Variants in PCDHGA1 observed in about 807,000 individuals in gnomAD.
PCDHGA1 encodes protocadherin gamma-A1.
Under a neutral mutation model 58.0 loss-of-function variants are expected in PCDHGA1, and 32 were observed. The observed-to-expected ratio is 0.55, with a 90% confidence interval of 0.42 to 0.74. The LOEUF is 0.74. Among genes scored for constraint, PCDHGA1 ranks in the 30% least tolerant of loss-of-function variants. PCDHGA1 has a pLI of 0.00. For synonymous variants in PCDHGA1, 498 were observed against 501.1 expected, an observed-to-expected ratio of 0.99 and a Z score of 0.08; for missense variants, 1,205 against 1,182.3, an observed-to-expected ratio of 1.02 and a Z score of -0.28.
intron 1 of PCDHGA1, chr5:141,372,083 G>T (rs1381793721): frequency 6.2e-7 from 1 of 1,613,756 alleles, no homozygotes. Context: ...CGCTGGTGCT[G>T]TACCCAGCTC....
intron 1 of PCDHGA1, chr5:141,370,818 ATCAGCGAACTGGCTC>A (rs758994219): frequency 6.2e-7 from 1 of 1,614,074 alleles, no homozygotes; most frequent in South Asian, 1.1e-5. Flanking sequence ...TGAGCTGGAA[ATCAGCGAACTGGCTC>A]TCACTGGAGC....
At chr5:141,409,021 C>T in intron 1 of PCDHGA1, 4 of 1,613,972 alleles carry the variant, frequency 2.5e-6, no homozygotes, top group Non-Finnish European at 3.4e-6. Context: ...ATGAGGGGGT[C>T]AATGCTGAGA....
In PCDHGA1 at chr5:141,430,181, T is replaced by A. The variant is rs561671481; in HGVS notation, c.2422-64626T>A. ...TCTATTTAAAAATATTTTCCCCAAA[T>A]TATAGCTGAATCAGAAAGTTTAAAT... On this transcript the variant is annotated intron_variant, in intron 1 of 3. Transcript: ENST00000517417. 2.0e-5 allele frequency among the ~76,000 whole-genome samples: 3 copies of A among 152,252 alleles called. No homozygotes were observed. The South Asian group carries it at 6.2e-4, about 32-fold the overall frequency.
At chr5:141,428,114 C>CG in intron 1 of PCDHGA1, 2 of 1,607,202 alleles carry the variant, frequency 1.2e-6, no homozygotes, top group Non-Finnish European at 1.7e-6. Flanking sequence ...TGCAGGCCAT[C>CG]GAGCCCGGGC....
chr5:141,399,092 G>C (rs573118488), intron 1 of PCDHGA1: 1 of 1,613,810 alleles, frequency 6.2e-7, no homozygotes, highest in East Asian at 2.2e-5. Context: ...GATGGTGGTG[G>C]ACTGGTTGCA....
At position 141,330,867 on chromosome 5, in the gene PCDHGA1, T is replaced by C. The variant is rs775683327; in HGVS notation, c.183T>C (p.Asp61=). The stretch of plus-strand genomic sequence containing the variant: ...GGCTGCAACCCCAGGAGCTGGCAGA[T>C]GGCGGAGTCCGCATCGTCTCCAGAG... ...DLGLQPQELA[D]GGVRIVSRGR... The change falls in exon 1 of 4, where the codon GAT becomes GAC. Residue 61 remains aspartate, a synonymous_variant. Transcript: ENST00000517417. 6.2e-7 allele frequency: 1 copy of C among 1,614,208 alleles called. No homozygotes were observed. Among genetic ancestry groups the C allele is most frequent in the Non-Finnish European group, 8.5e-7 (1 of 1,180,036 alleles).
At position 141,431,754 on chromosome 5, in the gene PCDHGA1, A is replaced by C; in HGVS notation, c.2422-63053A>C. ...AATGCAGGATATTCTGCGCGAGCCA[A>C]AGTCCTGATCACTGTTCTGGACGTG... On this transcript the variant is annotated intron_variant, in intron 1 of 3. Transcript: ENST00000517417. The surrounding 1 kb of genome is among the most constrained non-coding windows in gnomAD (Gnocchi z 4.8). The C allele has an allele frequency of 6.2e-7, 1 of 1,614,208 alleles. No individual in the cohort carries two copies. Among genetic ancestry groups the C allele is most frequent in the Middle Eastern group, 1.6e-4 (1 of 6,062 alleles).
chr5:141,339,369 T>C lies in PCDHGA1; in HGVS notation c.2421+6264T>C, dbSNP rs144608740. 2.5e-5 allele frequency: 41 copies of C among 1,614,212 alleles called. No individual in the cohort carries two copies. The African/African-American group carries it at 4.5e-4, about 18-fold the overall frequency. On this transcript the variant is annotated intron_variant, in intron 1 of 3. Coordinates refer to ENST00000517417, the MANE Select transcript of PCDHGA1 (RefSeq NM_018912.3). ...GATATTAACGATAATGCCCCTCGCT[T>C]TGGAGTAGAGGAACTGGAGCTAAAA...
At chr5:141,360,102 C>T (rs530757240) in intron 1 of PCDHGA1, 116 of 1,535,872 alleles carry the variant, frequency 7.6e-5, no homozygotes, top group Middle Eastern at 5.3e-4. Context: ...AGGCTTATTC[C>T]TCCTATGGGC....
chr5:141,361,562 C>A (rs1348479180), intron 1 of PCDHGA1: 3 of 1,614,074 alleles, frequency 1.9e-6, no homozygotes, highest in East Asian at 2.2e-5. Flanking sequence ...CAAATCAGTG[C>A]CTCTGACCCT....
In PCDHGA1 at chr5:141,356,681, A is replaced by G. The variant is rs771665475; in HGVS notation, c.2421+23576A>G. The G allele has an allele frequency of 1.2e-6, 2 of 1,613,942 alleles. No homozygotes were observed. The highest frequency in any genetic ancestry group is 1.7e-6 in the Non-Finnish European group (2 of 1,179,864). On this transcript the variant is annotated intron_variant, in intron 1 of 3. Coordinates refer to ENST00000517417, the MANE Select transcript of PCDHGA1 (RefSeq NM_018912.3). Reference sequence around the variant, plus strand: ...CGAATCACTTACTCCCTGGCCGAAGACACCTTCCAGGGTGCACCTCTGTCC... The same window carrying G: ...CGAATCACTTACTCCCTGGCCGAAGGCACCTTCCAGGGTGCACCTCTGTCC...
rs1187072972 is a variant in PCDHGA1 at position 141,487,553 on chromosome 5, C to T, written c.2422-7254C>T. 4 of 1,614,050 alleles carry T rather than the reference C, an allele frequency of 2.5e-6. No individual in the cohort carries two copies. The African/African-American group carries it at 4.0e-5, about 16-fold the overall frequency. On this transcript the variant is annotated intron_variant, in intron 1 of 3. Coordinates refer to ENST00000517417, the MANE Select transcript of PCDHGA1 (RefSeq NM_018912.3). The surrounding 1 kb of genome is among the most constrained non-coding windows in gnomAD (Gnocchi z 5.0). ...CATGATGGTGAAGTCACCCAGTGCA[C>T]CTATGGCAGGGGAGCCTGTTCGCCC...
At chr5:141,467,050 G>T (rs6580189) in intron 1 of PCDHGA1, among the ~76,000 whole-genome samples, 42,616 of 146,752 alleles carry the variant, frequency 0.29, 6,868 homozygotes, top group African/African-American at 0.45. Flanking sequence ...ATGAATCAAT[G>T]TTTTCTTTTT....
At chr5:141,424,120 C>A in intron 1 of PCDHGA1, 2 of 650,838 alleles carry the variant, frequency 3.1e-6, no homozygotes, top group Non-Finnish European at 3.9e-6. Context: ...AAATTTTGAT[C>A]CTGTTGATTT....
chr5:141,403,080 A>G, intron 1 of PCDHGA1: 2 of 1,614,078 alleles, frequency 1.2e-6, no homozygotes, highest in Non-Finnish European at 1.7e-6. Flanking sequence ...GAAAAGGGCT[A>G]TATTGTGGGC....
At chr5:141,371,123 TC>T in intron 1 of PCDHGA1, 1 of 1,613,954 alleles carries the variant, frequency 6.2e-7, no homozygotes, top group Non-Finnish European at 8.5e-7. Flanking sequence ...CAGTATTTAC[TC>T]AGGACATGTA....
chr5:141,390,373 AT>A, intron 1 of PCDHGA1: 1 of 1,481,206 alleles, frequency 6.8e-7, no homozygotes, highest in Non-Finnish European at 9.2e-7. Flanking sequence ...AAAATATATA[AT>A]TTTTAGATGT....
rs752341952 is a variant in PCDHGA1 at position 141,431,380 on chromosome 5, T to C, written c.2422-63427T>C. 10 of 1,613,902 alleles carry C rather than the reference T, an allele frequency of 6.2e-6. No homozygotes were observed. The highest frequency in any genetic ancestry group is 8.5e-6 in the Non-Finnish European group (10 of 1,180,024). ...CCCTGGACCGCGAAGAAAAGGCTGCTCACCACCTGGTCCTTACGGCCTCCG... is the reference window on the plus strand; with the variant it reads ...CCCTGGACCGCGAAGAAAAGGCTGCCCACCACCTGGTCCTTACGGCCTCCG... On this transcript the variant is annotated intron_variant, in intron 1 of 3. Transcript: ENST00000517417. The surrounding 1 kb of genome is among the most constrained non-coding windows in gnomAD (Gnocchi z 4.8).
At chr5:141,362,608 T>C in intron 1 of PCDHGA1, 1 of 1,564,044 alleles carries the variant, frequency 6.4e-7, no homozygotes, top group Non-Finnish European at 8.7e-7. Flanking sequence ...TTCACCTAAT[T>C]TGGGTAGGAA....
Sources: allele counts gnomAD v4.1 joint callset (sites outside exome capture counted in the v4.1 genomes callset), GRCh38; gene constraint gnomAD v4.1.1; non-coding constraint Gnocchi (gnomAD v3.1); transcripts MANE v1.5; gene names NCBI Gene and HGNC (gene_info 2026-07-23, HGNC 2026-07-21).